Variants in CORO6 observed in about 807,000 individuals in gnomAD.
CORO6 encodes coronin-6.
In CORO6, 43 loss-of-function variants were observed where a neutral mutation model predicts 49.0. That is an observed-to-expected ratio of 0.88 (90% confidence interval 0.69 to 1.13). The LOEUF is 1.13. CORO6 is among the 50% of genes most tolerant of loss of function. The probability of loss-of-function intolerance (pLI) is 0.00; values close to 1 mark genes in which losing one functional copy is unlikely to be tolerated. For missense variants in CORO6, 650 were observed against 647.0 expected, an observed-to-expected ratio of 1.00 and a Z score of -0.05; for synonymous variants, 233 against 256.5, an observed-to-expected ratio of 0.91 and a Z score of 0.88.
In CORO6 at chr17:29,618,813, G is replaced by C; in HGVS notation, c.610C>G (p.Pro204Ala). ...CKDKTLRIIDPRKGQVVAERF... is the reference protein window; with the variant it reads ...CKDKTLRIIDARKGQVVAERF... ...ACCGCCACCACTTGGCCTTTTCTGG[G>C]GTCAATGATGCGCAAGGTCTTGTCC... Residue 204 changes from proline (P) to alanine (A), a missense_variant, in exon 5 of 11, where the codon CCC (proline) becomes GCC (alanine). By Grantham distance (27) the Pro-to-Ala change is conservative. Coordinates refer to ENST00000388767, the MANE Select transcript of CORO6 (RefSeq NM_032854.4). 1 of 1,613,934 alleles carries C rather than the reference G, an allele frequency of 6.2e-7. No homozygotes were observed. The highest frequency in any genetic ancestry group is 1.3e-5 in the African/African-American group (1 of 75,014).
At chr17:29,618,230 T>A in intron 5 of CORO6, 1 of 1,321,086 alleles carries the variant, frequency 7.6e-7, no homozygotes, top group Non-Finnish European at 9.6e-7. Context: ...TCGGCGCGCT[T>A]GCTCCACGCA....
At chr17:29,618,020 C>G (rs1448289608) in intron 5 of CORO6, 1 of 1,464,692 alleles carries the variant, frequency 6.8e-7, no homozygotes, top group East Asian at 2.8e-5. Context: ...AAGGAGCGAG[C>G]TAGCGCGCCC....
chr17:29,618,135 C>A, intron 5 of CORO6: 8 of 1,402,344 alleles, frequency 5.7e-6, no homozygotes, highest in Non-Finnish European at 6.5e-6. Context: ...CAGCCCGCAG[C>A]GGGCGGGCGC....
chr17:29,615,450 C>T lies in CORO6; in HGVS notation c.*282G>A, dbSNP rs2034810207. ...GGCGGAGGACAAAGGGGGACACCACCTCGCCGTGCAGCACCATTGCTGAGC... is the reference window on the plus strand; with the variant it reads ...GGCGGAGGACAAAGGGGGACACCACTTCGCCGTGCAGCACCATTGCTGAGC... On this transcript the variant is annotated 3_prime_UTR_variant, in exon 11 of 11. Coordinates refer to ENST00000388767, the MANE Select transcript of CORO6 (RefSeq NM_032854.4). The T allele has an allele frequency of 5.2e-6, 2 of 385,008 alleles. No individual in the cohort carries two copies. Among genetic ancestry groups the T allele is most frequent in the Non-Finnish European group, 9.3e-6 (2 of 214,632 alleles). The allele number at this position is 385,008 out of a possible 1,614,324, so 23.8% of individuals were successfully genotyped here. A position where few individuals can be genotyped will look rare whatever the true frequency, so the allele number is the denominator to read the frequency against.
Position 29,616,009 on chromosome 17 carries a change from A to T in CORO6, c.1229T>A (p.Ile410Asn). 1 of 1,602,146 alleles carries T rather than the reference A, an allele frequency of 6.2e-7. No homozygotes were observed. Among genetic ancestry groups the T allele is most frequent in the Non-Finnish European group, 8.5e-7 (1 of 1,174,378 alleles). The change falls in exon 10 of 11, where the codon ATC (isoleucine) becomes AAC (asparagine). Residue 410 changes from isoleucine (I) to asparagine (N), a missense_variant. Coordinates refer to ENST00000388767, the MANE Select transcript of CORO6 (RefSeq NM_032854.4). The surrounding 1 kb of genome is among the most constrained non-coding windows in gnomAD (Gnocchi z 5.6). ...GCCGGAGGGCGGGCGCACGTCCAGGATGTTGCGCTTCGTGACCCGGAGCTC... is the reference window on the plus strand; with the variant it reads ...GCCGGAGGGCGGGCGCACGTCCAGGTTGTTGCGCTTCGTGACCCGGAGCTC... ...HRELRVTKRN[I>N]LDVRPPSGPR...
Position 29,619,096 on chromosome 17 carries a change from A to G in CORO6, c.415T>C (p.Trp139Arg), listed in dbSNP as rs1301561697. The G allele has an allele frequency of 1.2e-6, 2 of 1,613,618 alleles. No individual in the cohort carries two copies. The highest frequency in any genetic ancestry group is 1.7e-6 in the Non-Finnish European group (2 of 1,179,936). ...AGGACATTCCTGGCAGTAGGGTGCC[A>G]GGAGAGGATGCCCACACGCTTGGAG... ...GHSKRVGILS[W>R]HPTARNVLLS... is the part of the protein sequence containing the mutation. The change falls in exon 4 of 11, where the codon TGG becomes CGG. Residue 139 changes from tryptophan to arginine, a missense_variant. Trp to Arg is a moderately radical substitution (Grantham distance 101). Transcript: ENST00000388767.
chr17:29,622,873 G>A lies in CORO6; in HGVS notation c.-249C>T. 1 of 1,292,444 alleles carries A rather than the reference G, an allele frequency of 7.7e-7. No homozygotes were observed. The highest frequency in any genetic ancestry group is 1.0e-6 in the Non-Finnish European group (1 of 985,410). The allele number at this position is 1,292,444 out of a possible 1,614,324, so 80.1% of individuals were successfully genotyped here. On this transcript the variant is annotated 5_prime_UTR_variant, in exon 1 of 11. Coordinates refer to ENST00000388767, the MANE Select transcript of CORO6 (RefSeq NM_032854.4). ...CTGCGGCTCTCTAGAGCCCGGCGCCGCTGCAGCCCCAGCTGCCGCTGCCAT... is the reference window on the plus strand; with the variant it reads ...CTGCGGCTCTCTAGAGCCCGGCGCCACTGCAGCCCCAGCTGCCGCTGCCAT...
Position 29,622,885 on chromosome 17 carries a change from GC to G in CORO6, c.-262del. On this transcript the variant is annotated 5_prime_UTR_variant, in exon 1 of 11. The change creates a premature stop within an existing upstream ORF in the 5' untranslated region. Transcript: ENST00000388767. ...AGAGCCCGGCGCCGCTGCAGCCCCAGCTGCCGCTGCCATCAACCTAAGAGGG... is the reference window on the plus strand; with the variant it reads ...AGAGCCCGGCGCCGCTGCAGCCCCAGTGCCGCTGCCATCAACCTAAGAGGG... The G allele has an allele frequency of 7.8e-7, 1 of 1,283,362 alleles. No homozygotes were observed. Among genetic ancestry groups the G allele is most frequent in the Non-Finnish European group, 1.0e-6 (1 of 982,022 alleles). 79.5% of individuals were successfully genotyped at this position (1,283,362 alleles called of 1,614,324 possible).
At chr17:29,618,024 C>A (rs1447455917) in intron 5 of CORO6, 2 of 1,468,518 alleles carry the variant, frequency 1.4e-6, no homozygotes, top group East Asian at 5.6e-5. Context: ...AGCGAGCTAG[C>A]GCGCCCGGCG....
Position 29,616,609 on chromosome 17 carries a change from G to T in CORO6, c.1004+93C>A. On this transcript the variant is annotated intron_variant, in intron 8 of 10. Coordinates refer to ENST00000388767, the MANE Select transcript of CORO6 (RefSeq NM_032854.4). The surrounding 1 kb of genome is among the most constrained non-coding windows in gnomAD (Gnocchi z 5.6). ...TATCCCCCCGCCCCGCTTTTCCAAAGCACTGCATTACTGGGGAAGCCCCGT... is the reference window on the plus strand; with the variant it reads ...TATCCCCCCGCCCCGCTTTTCCAAATCACTGCATTACTGGGGAAGCCCCGT... 1 of 1,514,210 alleles carries T rather than the reference G, an allele frequency of 6.6e-7. No homozygotes were observed. The highest frequency in any genetic ancestry group is 9.0e-7 in the Non-Finnish European group (1 of 1,108,176). 93.8% of individuals were successfully genotyped at this position (1,514,210 alleles called of 1,614,324 possible). A position where few individuals can be genotyped will look rare whatever the true frequency, so the allele number is the denominator to read the frequency against.
intron 4 of CORO6, 35 bp downstream of exon 4, chr17:29,619,025 C>G: frequency 6.2e-7 from 1 of 1,612,026 alleles, no homozygotes; most frequent in Non-Finnish European, 8.5e-7. Context: ...CCACCACCCA[C>G]CCATCTATGG....
At position 29,622,801 on chromosome 17, in the gene CORO6, CTG is replaced by C. The variant is rs2035377608; in HGVS notation, c.-179_-178del. 7.6e-7 allele frequency: 1 copy of C among 1,313,816 alleles called. No individual in the cohort carries two copies. The highest frequency in any genetic ancestry group is 1.0e-6 in the Non-Finnish European group (1 of 995,874). 81.4% of individuals were successfully genotyped at this position (1,313,816 alleles called of 1,614,324 possible). A position where few individuals can be genotyped will look rare whatever the true frequency, so the allele number is the denominator to read the frequency against. On this transcript the variant is annotated 5_prime_UTR_variant, in exon 1 of 11. An upstream open reading frame in the 5' UTR gains an earlier in-frame stop. Transcript: ENST00000388767. Reference sequence around the variant, plus strand: ...GCGAAGGAGCCACCTCTCCGGGTGTCTGTAGTATCTGGGACCCGGGTGTCCAG... The same window carrying C: ...GCGAAGGAGCCACCTCTCCGGGTGTCTAGTATCTGGGACCCGGGTGTCCAG...
chr17:29,619,625 C>T (rs2150935715), intron 3 of CORO6, 26 bp downstream of exon 3: 2 of 1,611,092 alleles, frequency 1.2e-6, no homozygotes, highest in South Asian at 2.2e-5. Context: ...TGCTCAACTG[C>T]CCAGCAGTAG....
At position 29,616,032 on chromosome 17, in the gene CORO6, C is replaced by T; in HGVS notation, c.1206G>A (p.Glu402=). The T allele has an allele frequency of 6.2e-7, 1 of 1,609,682 alleles. No individual in the cohort carries two copies. The highest frequency in any genetic ancestry group is 1.3e-5 in the African/African-American group (1 of 75,022). ...RDGYVPPKHR[E]LRVTKRNILD... is the part of the protein sequence containing the mutation. ...GGATGTTGCGCTTCGTGACCCGGAGCTCGCGGTGCTTGGGGGGCACATAGC... is the reference window on the plus strand; with the variant it reads ...GGATGTTGCGCTTCGTGACCCGGAGTTCGCGGTGCTTGGGGGGCACATAGC... Residue 402 remains glutamate (E), a synonymous_variant, in exon 10 of 11, where the codon GAG becomes GAA. Coordinates refer to ENST00000388767, the MANE Select transcript of CORO6 (RefSeq NM_032854.4). The surrounding 1 kb of genome is among the most constrained non-coding windows in gnomAD (Gnocchi z 5.6).
At chr17:29,618,086 T>C (rs1402536355) in intron 5 of CORO6, 4 of 1,497,846 alleles carry the variant, frequency 2.7e-6, no homozygotes, top group Admixed American at 4.4e-5. Flanking sequence ...CTCATCCTGC[T>C]GAAGCCGGTG....
At chr17:29,620,213 C>G (rs1036807814) in intron 2 of CORO6, among the ~76,000 whole-genome samples, 3 of 152,214 alleles carry the variant, frequency 2.0e-5, no homozygotes, top group African/African-American at 7.2e-5. Context: ...CCTTGTGAAC[C>G]ACTTTTACCT....
rs570287288 is a variant in CORO6, at chr17:29,618,274, G to A, written c.633+516C>T. 16 of 1,309,350 alleles carry A rather than the reference G, an allele frequency of 1.2e-5. No individual in the cohort carries two copies. In the South Asian group the frequency reaches 3.1e-4, roughly 25 times the overall value. 81.1% of individuals were successfully genotyped at this position (1,309,350 alleles called of 1,614,324 possible). A position where few individuals can be genotyped will look rare whatever the true frequency, so the allele number is the denominator to read the frequency against. On this transcript the variant is annotated intron_variant, in intron 5 of 10. Transcript: ENST00000388767. ...CGCGGCCCACGCACCCGCACCCCAG[G>A]TTAGACTTGAGGCTGGCGAGGCCAG...
chr17:29,616,012 T>C lies in CORO6; in HGVS notation c.1226A>G (p.Asn409Ser). 6.2e-7 allele frequency: 1 copy of C among 1,603,448 alleles called. No homozygotes were observed. Among genetic ancestry groups the C allele is most frequent in the Non-Finnish European group, 8.5e-7 (1 of 1,175,108 alleles). Reference sequence around the variant, plus strand: ...GGAGGGCGGGCGCACGTCCAGGATGTTGCGCTTCGTGACCCGGAGCTCGCG... The same window carrying C: ...GGAGGGCGGGCGCACGTCCAGGATGCTGCGCTTCGTGACCCGGAGCTCGCG... ...KHRELRVTKR[N>S]ILDVRPPSGP... The change falls in exon 10 of 11, where the codon AAC becomes AGC. Residue 409 changes from asparagine to serine, a missense_variant. Transcript: ENST00000388767. The surrounding 1 kb of genome is among the most constrained non-coding windows in gnomAD (Gnocchi z 5.6).
chr17:29,615,627 C>T lies in CORO6; in HGVS notation c.*105G>A. On this transcript the variant is annotated 3_prime_UTR_variant, in exon 11 of 11. Coordinates refer to ENST00000388767, the MANE Select transcript of CORO6 (RefSeq NM_032854.4). ...GGCGGAGTTCCCTCCCCAGTCCCGC[C>T]CCCGGGCCCAGCCCAAGAAGGCGGG... 6 of 1,288,618 alleles carry T rather than the reference C, an allele frequency of 4.7e-6. No individual in the cohort carries two copies. Among genetic ancestry groups the T allele is most frequent in the Non-Finnish European group, 6.2e-6 (6 of 973,346 alleles). The allele number at this position is 1,288,618 out of a possible 1,614,324, so 79.8% of individuals were successfully genotyped here.
Sources: allele counts gnomAD v4.1 joint callset (sites outside exome capture counted in the v4.1 genomes callset), GRCh38; gene constraint gnomAD v4.1.1; non-coding constraint Gnocchi (gnomAD v3.1); transcripts MANE v1.5; gene names NCBI Gene and HGNC (gene_info 2026-07-23, HGNC 2026-07-21).